Variants in GSTA5 observed in about 807,000 individuals in gnomAD.
The protein encoded by GSTA5 is glutathione S-transferase alpha 5, also known as glutathione S-transferase A5.
A neutral mutation model predicts 21.8 loss-of-function variants in GSTA5; 25 were observed. The ratio of observed to expected loss-of-function variants is 1.14; its 90% confidence interval spans 0.83 to 1.60. The LOEUF (loss-of-function observed/expected upper bound fraction) is 1.60. GSTA5 is among the 40% of genes most tolerant of loss of function. The probability of loss-of-function intolerance (pLI) is 0.00; values close to 1 mark genes in which losing one functional copy is unlikely to be tolerated. For missense variants in GSTA5, 330 were observed against 259.2 expected (o/e 1.27, Z -1.88); for synonymous variants, 102 against 89.5 (o/e 1.14, Z -0.78).
chr6:52,840,871 G>T, upstream of GSTA5: 1 of 1,460,288 alleles, frequency 6.8e-7, no homozygotes, highest in Non-Finnish European at 9.5e-7. Context: ...TAATTGAAAC[G>T]ATAGAATCAA....
At chr6:52,838,545 A>G (rs1162254246) in intron 1 of GSTA5, among the ~76,000 whole-genome samples, 2 of 152,250 alleles carry the variant, frequency 1.3e-5, no homozygotes. Context: ...TCATCCTGAG[A>G]CAAGTCACTT....
At chr6:52,832,041 T>C (rs1764224253) in intron 5 of GSTA5, 71 bp from the exon 6 acceptor site, 2 of 1,550,910 alleles carry the variant, frequency 1.3e-6, no homozygotes, top group Non-Finnish European at 1.7e-6. Context: ...ACCCAGGGAA[T>C]GTGAGCCCCT....
exon 3 of GSTA5, chr6:52,836,259 C>T (rs950718043): frequency 1.4e-5 from 22 of 1,613,510 alleles, no homozygotes; most frequent in Non-Finnish European, 1.7e-5. Context: ...TCATGTCTTT[C>T]CCATAAAGGT....
chr6:52,831,758 G>C (rs1454738398), exon 6 of GSTA5: 139 of 1,451,402 alleles, frequency 9.6e-5, no homozygotes, highest in Non-Finnish European at 1.3e-4. Flanking sequence ...AGCTTTACAA[G>C]AGGCACAATC....
chr6:52,838,084 C>T (rs1764317911), intron 1 of GSTA5, among the ~76,000 whole-genome samples: 2 of 152,232 alleles, frequency 1.3e-5, no homozygotes, highest in South Asian at 4.1e-4. Flanking sequence ...AGGAACCCTG[C>T]TAAGGGTGAA....
chr6:52,839,392 C>A (rs1764340445), intron 1 of GSTA5, among the ~76,000 whole-genome samples: 1 of 152,150 alleles, frequency 6.6e-6, no homozygotes, highest in South Asian at 2.1e-4. Context: ...CTGATGTCTG[C>A]GTGACAGTGA....
chr6:52,833,352 A>G (rs1457130857), intron 4 of GSTA5, among the ~76,000 whole-genome samples: 7 of 152,122 alleles, frequency 4.6e-5, no homozygotes, highest in Admixed American at 3.9e-4. Flanking sequence ...GTGGCTCTAC[A>G]TTCTGCTCCC....
At chr6:52,845,183 C>T (rs190091620), upstream of GSTA5, among the ~76,000 whole-genome samples, 2 of 152,068 alleles carry the variant, frequency 1.3e-5, no homozygotes, top group African/African-American at 4.8e-5. Context: ...CTAATCAGTC[C>T]ACCTGGATTA....
At chr6:52,839,119 T>G (rs1764336169) in intron 1 of GSTA5, among the ~76,000 whole-genome samples, 1 of 152,076 alleles carries the variant, frequency 6.6e-6, no homozygotes, top group Non-Finnish European at 1.5e-5. Flanking sequence ...AGGACAAACC[T>G]AAGGAACGGT....
upstream of GSTA5, among the ~76,000 whole-genome samples, chr6:52,843,961 A>G (rs747520253): frequency 3.0e-4 from 45 of 152,188 alleles, no homozygotes; most frequent in African/African-American, 1.1e-3. Flanking sequence ...AGACTGGGGC[A>G]GAGGTTACCG....
At chr6:52,837,575 A>G (rs562468689) in exon 2 of GSTA5, 1 of 1,608,604 alleles carries the variant, frequency 6.2e-7, no homozygotes, top group African/African-American at 1.3e-5. Flanking sequence ...TAACTTGTCC[A>G]AATCTTCTGC....
At chr6:52,841,589 G>C (rs1479334923), upstream of GSTA5, among the ~76,000 whole-genome samples, 1 of 152,166 alleles carries the variant, frequency 6.6e-6, no homozygotes, top group East Asian at 1.9e-4. Flanking sequence ...TTAACTCTGT[G>C]GGGGGCATTT....
At chr6:52,841,215 T>C (rs1764373913), upstream of GSTA5, among the ~76,000 whole-genome samples, 2 of 152,230 alleles carry the variant, frequency 1.3e-5, no homozygotes, top group Admixed American at 1.3e-4. Flanking sequence ...CCTTATAGTC[T>C]CATTAAATGG....
chr6:52,837,624 A>C lies in GSTA5; in HGVS notation c.88-15T>G. 3 of 1,588,446 alleles carry C rather than the reference A, an allele frequency of 1.9e-6. No individual in the cohort carries two copies. The highest frequency in any genetic ancestry group is 2.6e-6 in the Non-Finnish European group (3 of 1,157,600). On this transcript the variant is annotated splice_polypyrimidine_tract_variant and intron_variant, in intron 1 of 5. Transcript: ENST00000370989. ...TTCTCTTCCAACTGGAAGCAGAAAC[A>C]GTAAATGGGTTCTTCTTAGTTAATT...
chr6:52,842,700 C>T (rs907705062), upstream of GSTA5, among the ~76,000 whole-genome samples: 6 of 152,146 alleles, frequency 3.9e-5, no homozygotes, highest in South Asian at 2.1e-4. Context: ...CCACTGCACC[C>T]GCCGTCAACT....
At chr6:52,845,128 T>C (rs1581820530), upstream of GSTA5, among the ~76,000 whole-genome samples, 2 of 152,142 alleles carry the variant, frequency 1.3e-5, no homozygotes, top group Admixed American at 6.6e-5. Context: ...TCTGTTTCTC[T>C]CTCTCTTTCC....
intron 1 of GSTA5, among the ~76,000 whole-genome samples, chr6:52,839,552 G>A (rs4282411): frequency 6.6e-6 from 1 of 152,184 alleles, no homozygotes. Flanking sequence ...CCGAGGCTCA[G>A]GTCCACACGG....
At chr6:52,841,453 C>T (rs890301493), upstream of GSTA5, among the ~76,000 whole-genome samples, 2 of 152,216 alleles carry the variant, frequency 1.3e-5, no homozygotes, top group African/African-American at 4.8e-5. Context: ...CTTCAGCTCT[C>T]TGGCTGTGAG....
At chr6:52,842,661 T>C (rs1163770501), upstream of GSTA5, among the ~76,000 whole-genome samples, 1 of 152,168 alleles carries the variant, frequency 6.6e-6, no homozygotes, top group Non-Finnish European at 1.5e-5. Context: ...TGCCTCAGCC[T>C]TCCAAAGTGC....
Sources: allele counts gnomAD v4.1 joint callset (sites outside exome capture counted in the v4.1 genomes callset), GRCh38; gene constraint gnomAD v4.1.1; transcripts MANE v1.5; gene names NCBI Gene and HGNC (gene_info 2026-07-23, HGNC 2026-07-21).